Variants in KLF12 observed in about 807,000 individuals in gnomAD.
KLF12 encodes the protein Krueppel-like factor 12.
KLF12 carries 9 observed loss-of-function variants against 37.8 expected under a neutral mutation model. The observed-to-expected ratio is 0.24, with a 90% CI of 0.14 to 0.42. The LOEUF (loss-of-function observed/expected upper bound fraction) is 0.42. Among genes scored for constraint, KLF12 ranks in the 10% least tolerant of loss-of-function variants. KLF12 has a pLI of 1.00. For synonymous variants in KLF12, 208 were observed against 202.1 expected, an observed-to-expected ratio of 1.03 and a Z score of -0.25; for missense variants, 411 against 516.0, an observed-to-expected ratio of 0.80 and a Z score of 1.97.
chr13:74,147,314 G>A, the KLF12 span, among the ~76,000 whole-genome samples: 8 of 152,184 alleles, frequency 5.3e-5, no homozygotes, highest in African/African-American at 1.7e-4. Flanking sequence ...GGGGAACACT[G>A]TTCTGTAGAA....
chr13:73,740,579 G>A (rs1489822192), intron 6 of KLF12, among the ~76,000 whole-genome samples: 1 of 152,112 alleles, frequency 6.6e-6, no homozygotes, highest in East Asian at 1.9e-4. Context: ...AGCCTCAAAT[G>A]ATCCTTCCAT....
intron 1 of KLF12, among the ~76,000 whole-genome samples, chr13:74,059,007 C>G (rs1333788642): frequency 6.6e-6 from 1 of 152,218 alleles, no homozygotes; most frequent in Non-Finnish European, 1.5e-5. Flanking sequence ...TGTGGACCCA[C>G]TGTTTAGTTC....
intron 1 of KLF12, among the ~76,000 whole-genome samples, chr13:74,029,233 A>G (rs1893055492): frequency 6.6e-6 from 1 of 152,136 alleles, no homozygotes; most frequent in Non-Finnish European, 1.5e-5. Context: ...TTTATAAATC[A>G]TATAAAACCA....
chr13:73,795,099 A>AT (rs898190053), intron 5 of KLF12, among the ~76,000 whole-genome samples: 4 of 152,098 alleles, frequency 2.6e-5, no homozygotes, highest in Non-Finnish European at 4.4e-5. Context: ...AGTTTTCATG[A>AT]TTTTTTCTGC....
At chr13:74,133,350 T>G (rs1384811271) in intron 1 of KLF12, among the ~76,000 whole-genome samples, 1 of 151,310 alleles carries the variant, frequency 6.6e-6, no homozygotes, top group African/African-American at 2.4e-5. Flanking sequence ...CCTGGGGTTT[T>G]ATTTCACATC....
intron 1 of KLF12, among the ~76,000 whole-genome samples, chr13:74,001,523 C>T (rs1015560164): frequency 6.6e-6 from 1 of 152,166 alleles, no homozygotes; most frequent in South Asian, 2.1e-4. Flanking sequence ...AGATCTATGA[C>T]ACAATCAAGA....
intron 6 of KLF12, among the ~76,000 whole-genome samples, chr13:73,755,547 A>G (rs1879095305): frequency 6.6e-6 from 1 of 152,172 alleles, no homozygotes; most frequent in South Asian, 2.1e-4. Flanking sequence ...AGGTGGTAGT[A>G]AGAGATTCCT....
chr13:73,705,820 G>A (rs749796275), intron 7 of KLF12, among the ~76,000 whole-genome samples: 2 of 152,128 alleles, frequency 1.3e-5, no homozygotes, highest in Non-Finnish European at 2.9e-5. Context: ...AATGAAGCCA[G>A]AAGCAAAGGA....
chr13:73,834,896 GT>G (rs1189570782), intron 4 of KLF12, among the ~76,000 whole-genome samples: 1 of 152,074 alleles, frequency 6.6e-6, no homozygotes, highest in Admixed American at 6.5e-5. Context: ...AAACTTCCTA[GT>G]AGCACACAAG....
intron 5 of KLF12, chr13:73,802,096 G>C (rs1406468387): frequency 6.6e-6 from 1 of 152,090 alleles, no homozygotes; most frequent in Non-Finnish European, 1.5e-5. Flanking sequence ...TAGTTGGGGG[G>C]TGTCTGTCAA....
At chr13:73,841,176 G>A (rs1222676145) in intron 4 of KLF12, among the ~76,000 whole-genome samples, 1 of 152,066 alleles carries the variant, frequency 6.6e-6, no homozygotes, top group Non-Finnish European at 1.5e-5. Context: ...AAATGTGGTT[G>A]GTATAAGGTA....
chr13:74,283,042 A>G, the KLF12 span, among the ~76,000 whole-genome samples: 2,517 of 152,316 alleles, frequency 0.017, 85 homozygotes, highest in African/African-American at 0.058. Context: ...AATGTTAAAA[A>G]GTGTCCAAAA....
chr13:74,105,850 G>C (rs896137981), intron 1 of KLF12, among the ~76,000 whole-genome samples: 1 of 152,210 alleles, frequency 6.6e-6, no homozygotes, highest in African/African-American at 2.4e-5. Context: ...TTTGTAAAGT[G>C]AGTGGAAAAA....
At position 73,880,201 on chromosome 13, in the gene KLF12, C is replaced by A. The variant is rs750455526; in HGVS notation, c.124-33828G>T. Among the ~76,000 whole-genome samples, 40 of 152,174 alleles carry A rather than the reference C, an allele frequency of 2.6e-4. 1 individual carries two copies. The highest frequency in any genetic ancestry group is 2.4e-5 in the African/African-American group (1 of 41,444). On this transcript the variant is annotated intron_variant, in intron 3 of 7. Coordinates refer to ENST00000377669, the MANE Select transcript of KLF12 (RefSeq NM_007249.5). Reference sequence around the variant, plus strand: ...ACTTGGAAACTGACACTCAGCCCACCTGATTTTAACTATTTATATACTTGC... The same window carrying A: ...ACTTGGAAACTGACACTCAGCCCACATGATTTTAACTATTTATATACTTGC...
chr13:74,254,209 CAT>C, the KLF12 span, among the ~76,000 whole-genome samples: 1 of 152,152 alleles, frequency 6.6e-6, no homozygotes, highest in South Asian at 2.1e-4. Context: ...TAAATGTCCA[CAT>C]AGTCTTTACT....
chr13:73,931,262 T>C (rs866501900), intron 3 of KLF12, among the ~76,000 whole-genome samples: 2 of 152,348 alleles, frequency 1.3e-5, no homozygotes, highest in African/African-American at 2.4e-5. Flanking sequence ...ACTTGACATA[T>C]TGTGTACTAT....
chr13:73,739,066 C>T lies in KLF12; in HGVS notation c.870-23541G>A, dbSNP rs565188978. Among the ~76,000 whole-genome samples, 5 of 152,142 alleles carry T rather than the reference C, an allele frequency of 3.3e-5. No individual in the cohort carries two copies. In the South Asian group the frequency reaches 1.0e-3, roughly 32 times the overall value. On this transcript the variant is annotated intron_variant, in intron 6 of 7. Coordinates refer to ENST00000377669, the MANE Select transcript of KLF12 (RefSeq NM_007249.5). ...CCTGGACAACATGATGAAACCCTGT[C>T]TCTACTAAAAATACAAAAATTAGCC...
the KLF12 span, among the ~76,000 whole-genome samples, chr13:74,145,027 G>C: frequency 6.6e-6 from 1 of 152,010 alleles, no homozygotes; most frequent in Non-Finnish European, 1.5e-5. Context: ...CAGAATTTAA[G>C]TCCCATTCTT....
intron 3 of KLF12, among the ~76,000 whole-genome samples, chr13:73,940,477 T>G (rs939365610): frequency 6.6e-6 from 1 of 152,120 alleles, no homozygotes; most frequent in East Asian, 1.9e-4. Context: ...ACCACACCTA[T>G]CCGGTTCACA....
Sources: gnomAD v4.1 joint callset for allele counts (sites outside exome capture counted in the v4.1 genomes callset) on GRCh38, gnomAD v4.1.1 for gene constraint, MANE v1.5 for transcripts, NCBI Gene and HGNC (gene_info 2026-07-23, HGNC 2026-07-21) for gene names.